Variants in RSF1 observed in about 807,000 individuals in gnomAD.
The protein encoded by RSF1 is remodeling and spacing factor 1.
In RSF1, 13 loss-of-function variants were observed where a neutral mutation model predicts 145.2. That is an observed-to-expected ratio of 0.09 (90% CI 0.06 to 0.14). The LOEUF is 0.14. RSF1 is among the 10% of genes least tolerant of loss of function. RSF1 has a pLI of 1.00. For missense variants in RSF1, 1,517 were observed against 1,718.2 expected (o/e 0.88, Z 2.07); for synonymous variants, 577 against 592.6 (o/e 0.97, Z 0.38).
At chr11:77,748,211 A>C (rs1309885414) in intron 2 of RSF1, among the ~76,000 whole-genome samples, 1 of 148,954 alleles carries the variant, frequency 6.7e-6, no homozygotes, top group Non-Finnish European at 1.5e-5. Flanking sequence ...AATATAATAG[A>C]GGATCTTTTT....
chr11:77,734,450 C>A lies in RSF1; in HGVS notation c.578+6281G>T, dbSNP rs528454756. 5.2e-6 allele frequency: 8 copies of A among 1,550,462 alleles called. No individual in the cohort carries two copies. The East Asian group carries it at 9.0e-5, about 17-fold the overall frequency. ...CTTGGTGACCAGGGAAGTCACCCCACGGCTACGGGGAAATTAGCCGAGGCT... is the reference window on the plus strand; with the variant it reads ...CTTGGTGACCAGGGAAGTCACCCCAAGGCTACGGGGAAATTAGCCGAGGCT... On this transcript the variant is annotated intron_variant, in intron 4 of 15. Transcript: ENST00000308488.
In RSF1 at chr11:77,662,820, T is replaced by G. The variant is rs1366867617; in HGVS notation, c.*4097A>C. 2.0e-5 allele frequency: 3 copies of G among 152,172 alleles called. No homozygotes were observed. Among genetic ancestry groups the G allele is most frequent in the Non-Finnish European group, 4.4e-5 (3 of 68,016 alleles). The allele number at this position is 152,172 out of a possible 1,614,324, so 9.4% of individuals were successfully genotyped here. A position where few individuals can be genotyped will look rare whatever the true frequency, so the allele number is the denominator to read the frequency against. ...GTAGATTACAGCAGATATGCAGCCT[T>G]GGCATTCTCTGCTTCTTCGAGAATG... is the stretch of plus-strand genomic sequence containing the variant. On this transcript the variant is annotated 3_prime_UTR_variant, in exon 16 of 16. Coordinates refer to ENST00000308488, the MANE Select transcript of RSF1 (RefSeq NM_016578.4).
Position 77,673,493 on chromosome 11 carries a change from G to A in RSF1, c.3563-1263C>T, listed in dbSNP as rs572509913. Among the ~76,000 whole-genome samples the A allele has an allele frequency of 3.9e-5, 6 of 152,310 alleles. No homozygotes were observed. The East Asian group carries it at 1.2e-3, about 29-fold the overall frequency. On this transcript the variant is annotated intron_variant, in intron 14 of 15. Transcript: ENST00000308488. Reference sequence around the variant, plus strand: ...ATTGGCCAAATTTGGGACAAATGGAGCCTAAATAGTGATGGGAATGTAGTA... The same window carrying A: ...ATTGGCCAAATTTGGGACAAATGGAACCTAAATAGTGATGGGAATGTAGTA...
chr11:77,815,759 C>T (rs957085801), intron 1 of RSF1, among the ~76,000 whole-genome samples: 1 of 138,210 alleles, frequency 7.2e-6, no homozygotes, highest in African/African-American at 2.5e-5. Flanking sequence ...AAAAAATAAT[C>T]CCCACAATAT....
chr11:77,691,091 T>A, intron 9 of RSF1, 68 bp downstream of exon 9: 3 of 1,419,018 alleles, frequency 2.1e-6, no homozygotes. Context: ...TGGATCCATT[T>A]ATCCATACAG....
intron 4 of RSF1, 31 bp downstream of exon 4, chr11:77,740,700 A>G (rs768796720): frequency 1.3e-6 from 2 of 1,568,584 alleles, no homozygotes; most frequent in Non-Finnish European, 1.8e-6. Context: ...AAACACACAA[A>G]TAAGTGTAAA....
chr11:77,674,775 A>G (rs959834995), intron 14 of RSF1, among the ~76,000 whole-genome samples: 1 of 152,108 alleles, frequency 6.6e-6, no homozygotes, highest in African/African-American at 2.4e-5. Flanking sequence ...TGAGGTGGGC[A>G]GATCACCTGA....
At chr11:77,825,763 C>T (rs1305915255), upstream of RSF1, among the ~76,000 whole-genome samples, 3 of 151,292 alleles carry the variant, frequency 2.0e-5, no homozygotes, top group Non-Finnish European at 4.4e-5. Context: ...ACGATCTAGG[C>T]TCACTGCAAC....
At chr11:77,813,237 T>C (rs929353406) in intron 1 of RSF1, 11 of 544,740 alleles carry the variant, frequency 2.0e-5, no homozygotes, top group African/African-American at 1.1e-4. Flanking sequence ...AACATGAAAG[T>C]AGTCTAATGA....
At chr11:77,745,525 T>A (rs1947990873) in intron 3 of RSF1, among the ~76,000 whole-genome samples, 2 of 151,944 alleles carry the variant, frequency 1.3e-5, no homozygotes, top group African/African-American at 2.4e-5. Flanking sequence ...TTTTAACATG[T>A]TGGTTATTCA....
At chr11:77,789,455 C>T (rs564485946) in intron 1 of RSF1, among the ~76,000 whole-genome samples, 9 of 152,306 alleles carry the variant, frequency 5.9e-5, no homozygotes, top group Non-Finnish European at 1.0e-4. Context: ...CTACTGCCGC[C>T]GGGGCTGAGG....
At chr11:77,742,098 A>G (rs1484615645) in intron 3 of RSF1, among the ~76,000 whole-genome samples, 1 of 152,194 alleles carries the variant, frequency 6.6e-6, no homozygotes, top group Non-Finnish European at 1.5e-5. Flanking sequence ...TTAATGCTGC[A>G]GTGAACACAG....
At chr11:77,680,583 TCTAAAAA>T (rs1426831592) in intron 11 of RSF1, among the ~76,000 whole-genome samples, 5 of 152,194 alleles carry the variant, frequency 3.3e-5, no homozygotes, top group African/African-American at 1.2e-4. Context: ...AGACCCCGTC[TCTAAAAA>T]CTAAACATCC....
the RSF1 span, among the ~76,000 whole-genome samples, chr11:77,863,989 C>T: frequency 6.6e-6 from 1 of 151,224 alleles, no homozygotes; most frequent in Admixed American, 6.6e-5. Context: ...TTCAGTGGCG[C>T]GATCCTGGCT....
chr11:77,820,933 T>C (rs1385488985), upstream of RSF1: 2 of 561,600 alleles, frequency 3.6e-6, no homozygotes, highest in Non-Finnish European at 6.2e-6. Context: ...CCTCGGCGCC[T>C]TTCACTTTCC....
chr11:77,752,328 A>C (rs1034100735), intron 2 of RSF1, among the ~76,000 whole-genome samples: 2 of 152,176 alleles, frequency 1.3e-5, no homozygotes, highest in South Asian at 2.1e-4. Context: ...GTTAGCACGT[A>C]TACGGTAAGA....
At position 77,820,429 on chromosome 11, in the gene RSF1, C is replaced by T. The variant is rs982972853; in HGVS notation, c.187+99G>A. The T allele has an allele frequency of 3.2e-6, 4 of 1,269,302 alleles. No individual in the cohort carries two copies. The African/African-American group carries it at 4.5e-5, about 14-fold the overall frequency. 78.6% of individuals were successfully genotyped at this position (1,269,302 alleles called of 1,614,324 possible). A position where few individuals can be genotyped will look rare whatever the true frequency, so the allele number is the denominator to read the frequency against. ...GCGTCCCAGGGGGAAGACAGAGCCG[C>T]GGAGGCCCGAGCCGCGAAGAACCGG... On this transcript the variant is annotated intron_variant, in intron 1 of 15. Coordinates refer to ENST00000308488, the MANE Select transcript of RSF1 (RefSeq NM_016578.4).
At chr11:77,815,115 C>A (rs569607369) in intron 1 of RSF1, among the ~76,000 whole-genome samples, 3 of 152,370 alleles carry the variant, frequency 2.0e-5, no homozygotes, top group African/African-American at 7.2e-5. Flanking sequence ...AGAATGCCTG[C>A]TGTTCTCTCT....
chr11:77,818,369 T>C (rs1005371556), intron 1 of RSF1, among the ~76,000 whole-genome samples: 3 of 152,204 alleles, frequency 2.0e-5, no homozygotes, highest in African/African-American at 7.2e-5. Context: ...AACAATTTAC[T>C]AGCCATCCTT....
Sources: allele counts gnomAD v4.1 joint callset (sites outside exome capture counted in the v4.1 genomes callset), GRCh38; gene constraint gnomAD v4.1.1; transcripts MANE v1.5; gene names NCBI Gene and HGNC (gene_info 2026-07-23, HGNC 2026-07-21).